Variants in CTNND2 observed in about 807,000 individuals in gnomAD.
CTNND2 encodes catenin delta-2.
CTNND2 carries 22 observed loss-of-function variants against 144.4 expected under a neutral mutation model. That is an observed-to-expected ratio of 0.15 (90% CI 0.11 to 0.22). CTNND2 has a LOEUF of 0.22. CTNND2 is among the 10% of genes least tolerant of loss of function. CTNND2 has a pLI of 1.00. For missense variants in CTNND2, 1,353 were observed against 1,618.8 expected, an observed-to-expected ratio of 0.84 and a Z score of 2.82; for synonymous variants, 751 against 695.6, an observed-to-expected ratio of 1.08 and a Z score of -1.25.
At chr5:11,770,187 G>C (rs907674352) in intron 1 of CTNND2, among the ~76,000 whole-genome samples, 5 of 152,116 alleles carry the variant, frequency 3.3e-5, no homozygotes, top group Non-Finnish European at 5.9e-5. Flanking sequence ...GGGCATCACA[G>C]ACATAGGGAG....
chr5:11,728,027 T>C (rs1421195655), intron 2 of CTNND2, among the ~76,000 whole-genome samples: 1 of 152,176 alleles, frequency 6.6e-6, no homozygotes, highest in Non-Finnish European at 1.5e-5. Context: ...AGAAGCTGAA[T>C]AAAAAGGAAG....
intron 11 of CTNND2, among the ~76,000 whole-genome samples, chr5:11,160,432 T>C (rs1224514567): frequency 6.6e-6 from 1 of 152,248 alleles, no homozygotes; most frequent in Non-Finnish European, 1.5e-5. Context: ...CAGTAATTCA[T>C]GCAGGCAGAG....
intron 3 of CTNND2, among the ~76,000 whole-genome samples, chr5:11,441,813 A>G (rs974625117): frequency 8.0e-4 from 122 of 152,218 alleles, no homozygotes; most frequent in African/African-American, 2.9e-3. Context: ...CTTCTCCTTA[A>G]TCATCAGTTA....
chr5:11,400,171 G>C lies in CTNND2; in HGVS notation c.440-2968C>G, dbSNP rs144367641. Among the ~76,000 whole-genome samples the C allele has an allele frequency of 2.0e-3, 297 of 152,170 alleles. 2 individuals are homozygous for C. The highest frequency in any genetic ancestry group is 6.9e-3 in the African/African-American group (285 of 41,504). Reference sequence around the variant, plus strand: ...TTTTAATCAAGCCTTGCTTGGGCTAGAGGTAAAACGAGGCTGTGGTCCTGA... The same window carrying C: ...TTTTAATCAAGCCTTGCTTGGGCTACAGGTAAAACGAGGCTGTGGTCCTGA... On this transcript the variant is annotated intron_variant, in intron 5 of 21. Transcript: ENST00000304623.
chr5:11,386,318 G>A (rs1220350735), intron 6 of CTNND2, among the ~76,000 whole-genome samples: 3 of 152,168 alleles, frequency 2.0e-5, no homozygotes, highest in Admixed American at 2.0e-4. Flanking sequence ...ATGAGAGGTG[G>A]GTGGGGAGGA....
At chr5:11,525,166 TTA>T (rs1478587336) in intron 3 of CTNND2, among the ~76,000 whole-genome samples, 1 of 152,198 alleles carries the variant, frequency 6.6e-6, no homozygotes, top group Non-Finnish European at 1.5e-5. Context: ...CTAGGGCTTT[TTA>T]GCTGCAGCCA....
At chr5:11,645,044 C>T (rs1015374496) in intron 2 of CTNND2, among the ~76,000 whole-genome samples, 2 of 152,182 alleles carry the variant, frequency 1.3e-5, no homozygotes, top group Non-Finnish European at 2.9e-5. Flanking sequence ...TAGCTCACTG[C>T]AGGCTCAAAC....
intron 15 of CTNND2, among the ~76,000 whole-genome samples, chr5:11,097,288 T>C (rs1159358673): frequency 1.3e-5 from 2 of 152,198 alleles, no homozygotes; most frequent in Non-Finnish European, 2.9e-5. Flanking sequence ...CCTGCTCCTG[T>C]AAGACTATGC....
At chr5:11,146,558 G>A (rs1046336033) in intron 12 of CTNND2, among the ~76,000 whole-genome samples, 4 of 152,166 alleles carry the variant, frequency 2.6e-5, no homozygotes, top group East Asian at 1.9e-4. Context: ...TGAGAATTAC[G>A]TGATGATTAG....
In CTNND2 at chr5:11,159,708, T is replaced by C. The variant is rs1429452424; in HGVS notation, c.2027A>G (p.Gln676Arg). Residue 676 changes from glutamine to arginine, a missense_variant, in exon 12 of 22, where the codon CAG becomes CGG. By Grantham distance (43) the Gln-to-Arg change is conservative. Transcript: ENST00000304623. ...SCDALKMPII[Q>R]DALAVLTNAV... ...GTTGGTCAGTACTGCTAGGGCATCC[T>C]GGATGATTGGCATTTTGAGTGCATC... 1 of 1,609,512 alleles carries C rather than the reference T, an allele frequency of 6.2e-7. No individual in the cohort carries two copies. The highest frequency in any genetic ancestry group is 8.5e-7 in the Non-Finnish European group (1 of 1,178,024).
chr5:11,089,496 A>G (rs900312367), intron 15 of CTNND2, among the ~76,000 whole-genome samples: 1 of 152,176 alleles, frequency 6.6e-6, no homozygotes, highest in African/African-American at 2.4e-5. Flanking sequence ...ATATTCATCT[A>G]TTTATCTCAA....
intron 9 of CTNND2, among the ~76,000 whole-genome samples, chr5:11,316,336 G>A (rs775042491): frequency 2.6e-5 from 4 of 151,908 alleles, no homozygotes; most frequent in Admixed American, 6.6e-5. Context: ...AACAATTCTC[G>A]TGCCTCAGCC....
At chr5:11,339,550 C>T (rs1252395238) in intron 9 of CTNND2, among the ~76,000 whole-genome samples, 1 of 152,154 alleles carries the variant, frequency 6.6e-6, no homozygotes, top group African/African-American at 2.4e-5. Flanking sequence ...GTTTATGCCA[C>T]CCACTTTGTG....
intron 2 of CTNND2, among the ~76,000 whole-genome samples, chr5:11,591,042 T>G (rs752253367): frequency 6.6e-6 from 1 of 152,254 alleles, no homozygotes; most frequent in Non-Finnish European, 1.5e-5. Flanking sequence ...GCAAGAAAGT[T>G]CATGGGTGCC....
At chr5:11,856,963 A>C (rs1017274323) in intron 1 of CTNND2, among the ~76,000 whole-genome samples, 3 of 152,220 alleles carry the variant, frequency 2.0e-5, no homozygotes, top group African/African-American at 7.2e-5. Context: ...CAAACAACCC[A>C]CTTAAATAGT....
chr5:11,775,424 G>A (rs920535409), intron 1 of CTNND2, among the ~76,000 whole-genome samples: 2 of 152,172 alleles, frequency 1.3e-5, no homozygotes, highest in Non-Finnish European at 2.9e-5. Flanking sequence ...AGGATAAGAC[G>A]AGAGAAGCAC....
chr5:11,235,002 C>G (rs1247100253), intron 10 of CTNND2, among the ~76,000 whole-genome samples: 1 of 152,182 alleles, frequency 6.6e-6, no homozygotes, highest in African/African-American at 2.4e-5. Context: ...TTGGACATGC[C>G]TGGGAGCCAC....
chr5:11,545,133 A>AG (rs1216799117), intron 3 of CTNND2, among the ~76,000 whole-genome samples: 1 of 148,580 alleles, frequency 6.7e-6, no homozygotes, highest in East Asian at 2.0e-4. Flanking sequence ...AAAAAAAAAA[A>AG]AAGGAAAAAA....
At position 11,385,119 on chromosome 5, in the gene CTNND2, G is replaced by C. The variant is rs1758936006; in HGVS notation, c.723C>G (p.Pro241=). 1 of 1,024,562 alleles carries C rather than the reference G, an allele frequency of 9.8e-7. No individual in the cohort carries two copies. Among genetic ancestry groups the C allele is most frequent in the East Asian group, 1.0e-4 (1 of 10,006 alleles). The allele number at this position is 1,024,562 out of a possible 1,614,324, so 63.5% of individuals were successfully genotyped here. ...APSLGSAFHL[P]DAPPAAAAAA... is the part of the protein sequence containing the mutation. ...CGGCGGCGGCGGCGGGCGGCGCGTC[G>C]GGCAGGTGGAAGGCGCTGCCCAGGC... is the stretch of plus-strand genomic sequence containing the variant. The change falls in exon 7 of 22, where the codon CCC becomes CCG. Residue 241 remains proline (P), a synonymous_variant. Coordinates refer to ENST00000304623, the MANE Select transcript of CTNND2 (RefSeq NM_001332.4).
Sources: allele counts gnomAD v4.1 joint callset (sites outside exome capture counted in the v4.1 genomes callset), GRCh38; gene constraint gnomAD v4.1.1; transcripts MANE v1.5; gene names NCBI Gene and HGNC (gene_info 2026-07-23, HGNC 2026-07-21).